Variants in DIXDC1 observed in about 807,000 individuals in gnomAD.
DIXDC1 encodes the protein DIX domain containing 1, also known as dixin.
Under a neutral mutation model 103.1 loss-of-function variants are expected in DIXDC1, and 64 were observed. That is an observed-to-expected ratio of 0.62 (90% CI 0.51 to 0.76). The LOEUF is 0.76. Ranked by LOEUF, DIXDC1 falls within the 30% of genes least tolerant of loss-of-function variation. DIXDC1 has a pLI of 0.00. For synonymous variants in DIXDC1, 266 were observed against 298.5 expected (o/e 0.89, Z 1.12); for missense variants, 759 against 834.2 (o/e 0.91, Z 1.11).
At chr11:111,963,813 C>T (rs1555171249) in intron 1 of DIXDC1, among the ~76,000 whole-genome samples, 1 of 152,176 alleles carries the variant, frequency 6.6e-6, no homozygotes, top group African/African-American at 2.4e-5. Context: ...TAATACTGGG[C>T]CCTAGCTTTG....
intron 1 of DIXDC1, among the ~76,000 whole-genome samples, chr11:111,929,047 C>T (rs947905242): frequency 6.6e-6 from 1 of 152,086 alleles, no homozygotes; most frequent in Non-Finnish European, 1.5e-5. Context: ...GGCATGGTGG[C>T]ACGTGCCTGT....
chr11:111,959,458 AC>A (rs1255692341), intron 1 of DIXDC1, among the ~76,000 whole-genome samples: 1 of 152,174 alleles, frequency 6.6e-6, no homozygotes, highest in African/African-American at 2.4e-5. Flanking sequence ...GGAGCTGCCC[AC>A]CCCACCACAG....
intron 1 of DIXDC1, among the ~76,000 whole-genome samples, chr11:111,960,406 T>A (rs192589218): frequency 6.6e-6 from 1 of 150,452 alleles, no homozygotes; most frequent in Non-Finnish European, 1.5e-5. Context: ...CCAGCCTGGC[T>A]AACATGGTGA....
intron 17 of DIXDC1, among the ~76,000 whole-genome samples, chr11:112,008,736 T>TAAAG (rs1861318410): frequency 6.6e-6 from 1 of 151,988 alleles, no homozygotes; most frequent in South Asian, 2.1e-4. Context: ...AAGGGAGAAA[T>TAAAG]AAAGATGTTC....
At chr11:111,975,776 T>C (rs782434335) in intron 5 of DIXDC1, 42 of 985,340 alleles carry the variant, frequency 4.3e-5, no homozygotes, top group Non-Finnish European at 4.9e-5. Context: ...ATGTATGTTA[T>C]GTGTCCTTGT....
Position 111,968,396 on chromosome 11 carries a change from A to G in DIXDC1, c.191-117A>G. 4 of 1,056,178 alleles carry G rather than the reference A, an allele frequency of 3.8e-6. No individual in the cohort carries two copies. In the East Asian group the frequency reaches 7.9e-5, roughly 21 times the overall value. 65.4% of individuals were successfully genotyped at this position (1,056,178 alleles called of 1,614,324 possible). The stretch of plus-strand genomic sequence containing the variant: ...AAACACCAGGACTTAACTCATTTAT[A>G]TATTTATGTATAATGTTGGTGTTCA... On this transcript the variant is annotated intron_variant, in intron 2 of 19. Coordinates refer to ENST00000440460, the MANE Select transcript of DIXDC1 (RefSeq NM_001037954.4).
At chr11:111,986,956 A>C (rs1860512510) in intron 9 of DIXDC1, 32 bp downstream of exon 9, 1 of 1,548,190 alleles carries the variant, frequency 6.5e-7, no homozygotes, top group African/African-American at 1.4e-5. Flanking sequence ...TTACCCCTTA[A>C]AAACATTATG....
At chr11:111,964,244 G>A (rs1318226700) in intron 1 of DIXDC1, among the ~76,000 whole-genome samples, 3 of 152,228 alleles carry the variant, frequency 2.0e-5, no homozygotes, top group African/African-American at 7.2e-5. Flanking sequence ...GGTCAACAGA[G>A]AAAAACTTGA....
At chr11:111,960,484 C>T (rs1409176263) in intron 1 of DIXDC1, among the ~76,000 whole-genome samples, 1 of 151,120 alleles carries the variant, frequency 6.6e-6, no homozygotes, top group East Asian at 2.0e-4. Flanking sequence ...ATCCCAGCTT[C>T]TCGGGAGGCT....
intron 5 of DIXDC1, 90 bp from the exon 6 acceptor site, chr11:111,980,647 A>G (rs1555173134): frequency 3.0e-6 from 3 of 1,005,526 alleles, no homozygotes; most frequent in Admixed American, 2.2e-5. Context: ...GAATAAGAAC[A>G]TGTCCCTGTT....
At chr11:111,959,263 T>C (rs1555170848) in intron 1 of DIXDC1, among the ~76,000 whole-genome samples, 1 of 152,196 alleles carries the variant, frequency 6.6e-6, no homozygotes, top group African/African-American at 2.4e-5. Flanking sequence ...GAGCTCCCTT[T>C]GGGGAGCCCA....
chr11:111,946,317 C>T (rs1306854401), intron 1 of DIXDC1, among the ~76,000 whole-genome samples: 2 of 152,248 alleles, frequency 1.3e-5, no homozygotes, highest in East Asian at 3.9e-4. Context: ...ACCGTGTTAG[C>T]CAGGATGGTC....
At position 111,958,325 on chromosome 11, in the gene DIXDC1, T is replaced by G. The variant is rs1380358124; in HGVS notation, c.61-6224T>G. Reference sequence around the variant, plus strand: ...CAGCTGCAGCTGCCCAAGCCACAGCTGTGGACCCAGGCATCGCTGCACTCT... The same window carrying G: ...CAGCTGCAGCTGCCCAAGCCACAGCGGTGGACCCAGGCATCGCTGCACTCT... On this transcript the variant is annotated intron_variant, in intron 1 of 19. Coordinates refer to ENST00000440460, the MANE Select transcript of DIXDC1 (RefSeq NM_001037954.4). The surrounding 1 kb of genome is among the most constrained non-coding windows in gnomAD (Gnocchi z 4.2). Among the ~76,000 whole-genome samples the G allele has an allele frequency of 2.0e-5, 3 of 152,194 alleles. No individual in the cohort carries two copies. Among genetic ancestry groups the G allele is most frequent in the Non-Finnish European group, 4.4e-5 (3 of 68,008 alleles).
At chr11:111,970,488 G>A (rs1209981134) in intron 3 of DIXDC1, among the ~76,000 whole-genome samples, 4 of 151,868 alleles carry the variant, frequency 2.6e-5, no homozygotes, top group Non-Finnish European at 5.9e-5. Context: ...AACCAAAGAG[G>A]TAAAAGAAAT....
At chr11:111,928,547 G>T (rs1555167332) in intron 1 of DIXDC1, 1 of 151,792 alleles carries the variant, frequency 6.6e-6, no homozygotes, top group African/African-American at 2.4e-5. Context: ...GATCACCTGA[G>T]GTCAGGAGCT....
intron 17 of DIXDC1, among the ~76,000 whole-genome samples, chr11:112,010,281 C>T (rs1157289988): frequency 1.3e-5 from 2 of 152,152 alleles, no homozygotes; most frequent in African/African-American, 4.8e-5. Context: ...GAACTACAAA[C>T]CACTGCCCAG....
intron 1 of DIXDC1, among the ~76,000 whole-genome samples, chr11:111,955,107 A>T (rs1555170449): frequency 6.6e-6 from 1 of 152,110 alleles, no homozygotes; most frequent in African/African-American, 2.4e-5. Flanking sequence ...ATTCTCCAAT[A>T]AAAGGAACCA....
At chr11:111,929,337 G>A (rs1360376022) in intron 1 of DIXDC1, among the ~76,000 whole-genome samples, 1 of 152,150 alleles carries the variant, frequency 6.6e-6, no homozygotes, top group Non-Finnish European at 1.5e-5. Flanking sequence ...TAGGAAGAAA[G>A]GAAAATGCAT....
chr11:111,975,285 A>G, intron 5 of DIXDC1: 1 of 1,190,388 alleles, frequency 8.4e-7, no homozygotes, highest in Non-Finnish European at 1.1e-6. Flanking sequence ...TGGTTCTGAC[A>G]TTTGCATATG....
Sources: gnomAD v4.1 joint callset for allele counts (sites outside exome capture counted in the v4.1 genomes callset) on GRCh38, gnomAD v4.1.1 for gene constraint, Gnocchi (gnomAD v3.1) non-coding constraint, MANE v1.5 for transcripts, NCBI Gene and HGNC (gene_info 2026-07-23, HGNC 2026-07-21) for gene names.